Variants in CCDC102B observed in about 807,000 individuals in gnomAD.
CCDC102B encodes coiled-coil domain containing 102B.
A neutral mutation model predicts 57.4 loss-of-function variants in CCDC102B; 75 were observed. The observed-to-expected ratio is 1.31, with a 90% CI of 1.08 to 1.58. The LOEUF is 1.58. Among genes scored for constraint, CCDC102B ranks in the 40% most tolerant of loss-of-function variants. The pLI is 0.00. For synonymous variants in CCDC102B, 206 were observed against 201.9 expected, an observed-to-expected ratio of 1.02 and a Z score of -0.17; for missense variants, 636 against 582.6, an observed-to-expected ratio of 1.09 and a Z score of -0.94.
intron 6 of CCDC102B, among the ~76,000 whole-genome samples, chr18:68,913,430 T>G (rs1439151488): frequency 6.6e-6 from 1 of 151,154 alleles, no homozygotes; most frequent in Non-Finnish European, 1.5e-5. Context: ...GCAGATCACC[T>G]GAGGTCAAGA....
chr18:69,037,653 A>C (rs1364370054), intron 7 of CCDC102B, among the ~76,000 whole-genome samples: 1 of 152,038 alleles, frequency 6.6e-6, no homozygotes, highest in African/African-American at 2.4e-5. Flanking sequence ...CAAAGGCATG[A>C]GGGAAGAGAA....
chr18:68,738,209 A>G lies in CCDC102B; in HGVS notation c.-67+21615A>G, dbSNP rs535811806. Among the ~76,000 whole-genome samples, 13 of 152,216 alleles carry G rather than the reference A, an allele frequency of 8.5e-5. No homozygotes were observed. The South Asian group carries it at 2.7e-3, about 32-fold the overall frequency. Reference sequence around the variant, plus strand: ...GTCGTATGTCCACTGCTTCACCTCCATTGCTATAAAGTGGGTATCTGAGAA... The same window carrying G: ...GTCGTATGTCCACTGCTTCACCTCCGTTGCTATAAAGTGGGTATCTGAGAA... On this transcript the variant is annotated intron_variant, in intron 2 of 3. Transcript: ENST00000578970.
At chr18:68,728,542 C>T (rs1378066837) in intron 2 of CCDC102B, among the ~76,000 whole-genome samples, 2 of 152,178 alleles carry the variant, frequency 1.3e-5, no homozygotes, top group Non-Finnish European at 2.9e-5. Flanking sequence ...TGCATTATCT[C>T]CTCAGCTTTA....
At chr18:68,784,951 A>G (rs1234503060) in intron 2 of CCDC102B, among the ~76,000 whole-genome samples, 5 of 149,008 alleles carry the variant, frequency 3.4e-5, no homozygotes, top group African/African-American at 9.8e-5. Flanking sequence ...AGCATTAGGT[A>G]TATCTCCCAA....
intron 5 of CCDC102B, among the ~76,000 whole-genome samples, chr18:68,894,809 A>G (rs2040189124): frequency 2.0e-5 from 3 of 151,850 alleles, no homozygotes. Context: ...TGTTGTTGCT[A>G]CTGCTAAAAT....
chr18:68,739,221 C>T (rs1269919832), intron 2 of CCDC102B, among the ~76,000 whole-genome samples: 2 of 152,136 alleles, frequency 1.3e-5, no homozygotes, highest in African/African-American at 4.8e-5. Flanking sequence ...GTCTCAAACT[C>T]CTGGTCTAAA....
intron 6 of CCDC102B, among the ~76,000 whole-genome samples, chr18:68,936,290 A>G (rs571488815): frequency 1.3e-5 from 2 of 151,990 alleles, no homozygotes; most frequent in African/African-American, 2.4e-5. Context: ...TTTCTGTCAC[A>G]TTTTGATACA....
At chr18:68,933,290 G>T (rs1045228549) in intron 6 of CCDC102B, among the ~76,000 whole-genome samples, 110 of 151,918 alleles carry the variant, frequency 7.2e-4, no homozygotes, top group African/African-American at 2.6e-3. Flanking sequence ...ATTTCACAAA[G>T]AAAATGCCCA....
intron 5 of CCDC102B, among the ~76,000 whole-genome samples, chr18:68,885,433 G>A (rs2039850160): frequency 6.6e-6 from 1 of 151,888 alleles, no homozygotes; most frequent in South Asian, 2.1e-4. Flanking sequence ...AAAAGACAGA[G>A]CAAAGTTCAT....
chr18:68,956,334 T>TATATAATATATATATAAAAC (rs1555732881), intron 6 of CCDC102B, among the ~76,000 whole-genome samples: 1 of 73,502 alleles, frequency 1.4e-5, no homozygotes, highest in Admixed American at 2.0e-4. Context: ...ATATATATTA[T>TATATAATATATATATAAAAC]ATATAATATA....
At chr18:68,734,501 A>G (rs1000007056) in intron 2 of CCDC102B, among the ~76,000 whole-genome samples, 1 of 152,230 alleles carries the variant, frequency 6.6e-6, no homozygotes, top group Non-Finnish European at 1.5e-5. Context: ...GAGAAATTTT[A>G]TGCGTCGTGT....
intron 6 of CCDC102B, among the ~76,000 whole-genome samples, chr18:68,915,606 T>C (rs9950217): frequency 0.92 from 139,785 of 151,946 alleles, 64,360 homozygotes; most frequent in East Asian, 0.98. Context: ...TTAGTTGTAA[T>C]GTTTTCTACT....
intron 2 of CCDC102B, among the ~76,000 whole-genome samples, chr18:68,756,207 G>A (rs1347370363): frequency 2.0e-5 from 3 of 151,614 alleles, no homozygotes; most frequent in East Asian, 2.0e-4. Context: ...AAATGAAGAT[G>A]AGTAAATTTA....
At chr18:68,758,131 C>A (rs478110) in intron 2 of CCDC102B, among the ~76,000 whole-genome samples, 1 of 151,644 alleles carries the variant, frequency 6.6e-6, no homozygotes, top group African/African-American at 2.4e-5. Context: ...TTAAGGTATA[C>A]AAAATTGATT....
intron 6 of CCDC102B, among the ~76,000 whole-genome samples, chr18:68,958,932 T>C (rs2049977280): frequency 6.6e-6 from 1 of 152,170 alleles, no homozygotes; most frequent in South Asian, 2.1e-4. Context: ...TTTGTTGAGA[T>C]TTGTCAAAAT....
intron 1 of CCDC102B, among the ~76,000 whole-genome samples, chr18:68,812,720 T>C (rs1276525081): frequency 1.3e-5 from 2 of 152,182 alleles, no homozygotes; most frequent in Admixed American, 1.3e-4. Flanking sequence ...AATGTGAATA[T>C]ACATATTTTA....
At chr18:68,730,911 G>A (rs544321365) in intron 2 of CCDC102B, among the ~76,000 whole-genome samples, 2 of 152,266 alleles carry the variant, frequency 1.3e-5, no homozygotes, top group Non-Finnish European at 2.9e-5. Context: ...CTGATATCTT[G>A]ATCTTCTTTG....
intron 1 of CCDC102B, among the ~76,000 whole-genome samples, chr18:68,810,609 A>G (rs933971784): frequency 1.3e-5 from 2 of 150,710 alleles, no homozygotes; most frequent in African/African-American, 2.4e-5. Flanking sequence ...CTTTTTTTCC[A>G]GACAGGTTGG....
chr18:68,853,907 G>A (rs1016889430), intron 4 of CCDC102B, among the ~76,000 whole-genome samples: 1 of 151,992 alleles, frequency 6.6e-6, no homozygotes, highest in Non-Finnish European at 1.5e-5. Flanking sequence ...TTCTGTCAAG[G>A]TCCTGTTAGA....
Sources: allele counts gnomAD v4.1 joint callset (sites outside exome capture counted in the v4.1 genomes callset), GRCh38; gene constraint gnomAD v4.1.1; transcripts MANE v1.5; gene names NCBI Gene and HGNC (gene_info 2026-07-23, HGNC 2026-07-21).